CLSTN2: variants seen among roughly 807,000 people sequenced by gnomAD.
The protein encoded by CLSTN2 is calsyntenin-2.
Under a neutral mutation model 101.2 loss-of-function variants are expected in CLSTN2, and 48 were observed. The ratio of observed to expected loss-of-function variants is 0.47; its 90% confidence interval spans 0.38 to 0.60. CLSTN2 has a LOEUF of 0.60. Ranked by LOEUF, CLSTN2 falls within the 20% of genes least tolerant of loss-of-function variation. CLSTN2 has a pLI of 0.00. For synonymous variants in CLSTN2, 481 were observed against 463.6 expected (o/e 1.04, Z -0.48); for missense variants, 1,160 against 1,238.2 (o/e 0.94, Z 0.95).
At chr3:140,073,074 G>A (rs1237677453) in intron 1 of CLSTN2, among the ~76,000 whole-genome samples, 5 of 152,136 alleles carry the variant, frequency 3.3e-5, no homozygotes, top group Non-Finnish European at 7.3e-5. Flanking sequence ...AACACGAATG[G>A]TGGCACTGGA....
chr3:140,434,176 G>A (rs2088665034), intron 5 of CLSTN2, among the ~76,000 whole-genome samples: 2 of 152,120 alleles, frequency 1.3e-5, no homozygotes, highest in Non-Finnish European at 2.9e-5. Context: ...GCAGAACAGT[G>A]CCCCCTTCTC....
chr3:140,259,624 C>G (rs1190995563), intron 2 of CLSTN2, among the ~76,000 whole-genome samples: 1 of 152,110 alleles, frequency 6.6e-6, no homozygotes, highest in African/African-American at 2.4e-5. Flanking sequence ...TCTTTGTAAG[C>G]CTTCCCTCCC....
intron 1 of CLSTN2, among the ~76,000 whole-genome samples, chr3:140,146,922 T>G (rs2009789039): frequency 6.6e-6 from 1 of 152,240 alleles, no homozygotes; most frequent in Non-Finnish European, 1.5e-5. Flanking sequence ...TTATTTAGTA[T>G]CTATTCAGCA....
At chr3:140,094,301 C>T (rs1172097608) in intron 1 of CLSTN2, among the ~76,000 whole-genome samples, 1 of 152,152 alleles carries the variant, frequency 6.6e-6, no homozygotes, top group African/African-American at 2.4e-5. Context: ...AGCGTCAGAC[C>T]TGAGTCTGTC....
intron 1 of CLSTN2, among the ~76,000 whole-genome samples, chr3:140,099,789 AC>A (rs1465485808): frequency 6.6e-6 from 1 of 152,166 alleles, no homozygotes; most frequent in East Asian, 1.9e-4. Context: ...CTATTTGCCA[AC>A]CCTGAAGAAA....
chr3:140,375,100 T>C (rs2087902380), intron 2 of CLSTN2, among the ~76,000 whole-genome samples: 1 of 152,172 alleles, frequency 6.6e-6, no homozygotes, highest in South Asian at 2.1e-4. Flanking sequence ...GCTCACAAAA[T>C]GTAGCTGAGG....
At chr3:140,377,787 T>C (rs1171813588) in intron 2 of CLSTN2, among the ~76,000 whole-genome samples, 1 of 152,200 alleles carries the variant, frequency 6.6e-6, no homozygotes, top group African/African-American at 2.4e-5. Flanking sequence ...AAAATATGTT[T>C]AGCACATTTA....
At chr3:140,559,527 T>C (rs1018886500) in intron 12 of CLSTN2, among the ~76,000 whole-genome samples, 1 of 124,076 alleles carries the variant, frequency 8.1e-6, no homozygotes, top group Non-Finnish European at 1.5e-5. Flanking sequence ...TTAGTTATGC[T>C]GAAAGCTATA....
intron 2 of CLSTN2, among the ~76,000 whole-genome samples, chr3:140,399,062 G>A (rs1221157339): frequency 6.6e-6 from 1 of 152,190 alleles, no homozygotes; most frequent in Non-Finnish European, 1.5e-5. Flanking sequence ...TGGTGGCCTG[G>A]TGCTGCTGGC....
intron 1 of CLSTN2, among the ~76,000 whole-genome samples, chr3:139,970,928 T>C (rs974881465): frequency 4.6e-5 from 7 of 152,198 alleles, no homozygotes; most frequent in African/African-American, 1.7e-4. Context: ...GTCAGTGCAT[T>C]ACAGAGTATT....
At chr3:140,534,428 G>A (rs927018408) in intron 9 of CLSTN2, among the ~76,000 whole-genome samples, 6 of 152,314 alleles carry the variant, frequency 3.9e-5, no homozygotes, top group South Asian at 2.1e-4. Context: ...GAGTGGGGAA[G>A]TAGCCCCACA....
At chr3:139,964,855 C>T (rs542405657) in intron 1 of CLSTN2, among the ~76,000 whole-genome samples, 137 of 152,258 alleles carry the variant, frequency 9.0e-4, no homozygotes, top group African/African-American at 3.2e-3. Context: ...TTTTTACCTC[C>T]CGGCCACACA....
chr3:140,124,250 C>T (rs933707613), intron 1 of CLSTN2, among the ~76,000 whole-genome samples: 2 of 151,942 alleles, frequency 1.3e-5, no homozygotes, highest in African/African-American at 4.8e-5. Context: ...GATGGATAGG[C>T]AATGAGCTGG....
intron 12 of CLSTN2, 103 bp downstream of exon 12, chr3:140,558,960 G>A: frequency 1.2e-6 from 1 of 850,558 alleles, no homozygotes; most frequent in Non-Finnish European, 1.9e-6. Flanking sequence ...ATGTATACAT[G>A]GCTTAAATGT....
chr3:140,293,997 C>T (rs943988999), intron 2 of CLSTN2, among the ~76,000 whole-genome samples: 5 of 152,206 alleles, frequency 3.3e-5, no homozygotes, highest in Non-Finnish European at 7.3e-5. Flanking sequence ...TTACTCTGTG[C>T]CCCATGGAAA....
intron 8 of CLSTN2, among the ~76,000 whole-genome samples, chr3:140,513,580 T>TTTC (rs1470615043): frequency 8.4e-4 from 56 of 66,632 alleles, no homozygotes; most frequent in South Asian, 1.3e-3. Context: ...TTTTTTTTTC[T>TTTC]TTCTTTTTTT....
intron 10 of CLSTN2, among the ~76,000 whole-genome samples, chr3:140,551,832 ATATATAT>A (rs1935710055): frequency 6.9e-6 from 1 of 144,196 alleles, no homozygotes; most frequent in Admixed American, 6.9e-5. Context: ...ATATATTTAA[ATATATAT>A]TATATATTTT....
chr3:139,951,915 A>G lies in CLSTN2; in HGVS notation c.109+16432A>G, dbSNP rs1002415291. 2.6e-5 allele frequency among the ~76,000 whole-genome samples: 4 copies of G among 152,270 alleles called. No homozygotes were observed. In the South Asian group the frequency reaches 6.2e-4, roughly 24 times the overall value. Reference sequence around the variant, plus strand: ...ATTATTCCTTAATTTTCTCGTGGATAATTTATAGAGGTGAGGGTTTTTATT... The same window carrying G: ...ATTATTCCTTAATTTTCTCGTGGATGATTTATAGAGGTGAGGGTTTTTATT... On this transcript the variant is annotated intron_variant, in intron 1 of 16. Coordinates refer to ENST00000458420, the MANE Select transcript of CLSTN2 (RefSeq NM_022131.3).
intron 4 of CLSTN2, among the ~76,000 whole-genome samples, chr3:140,407,959 C>T (rs554250225): frequency 1.2e-4 from 19 of 152,152 alleles, no homozygotes; most frequent in South Asian, 1.0e-3. Flanking sequence ...AAGTATGGGG[C>T]GATGTCAGCA....
Sources: allele counts gnomAD v4.1 joint callset (sites outside exome capture counted in the v4.1 genomes callset), GRCh38; gene constraint gnomAD v4.1.1; transcripts MANE v1.5; gene names NCBI Gene and HGNC (gene_info 2026-07-23, HGNC 2026-07-21).